The following ROBO1 variants were observed in gnomAD, a reference collection of about 807,000 sequenced individuals.
ROBO1 encodes the protein roundabout homolog 1.
A neutral mutation model predicts 195.9 loss-of-function variants in ROBO1; 149 were observed. The ratio of observed to expected loss-of-function variants is 0.76; its 90% CI spans 0.67 to 0.87. The LOEUF is 0.87. Among genes scored for constraint, ROBO1 ranks in the 40% least tolerant of loss-of-function variants. The probability of loss-of-function intolerance (pLI) is 0.00; values close to 1 mark genes in which losing one functional copy is unlikely to be tolerated. For synonymous variants in ROBO1, 816 were observed against 733.2 expected, an observed-to-expected ratio of 1.11 and a Z score of -1.82; for missense variants, 1,933 against 2,068.3, an observed-to-expected ratio of 0.93 and a Z score of 1.27.
At chr3:78,789,206 C>T (rs1476629832) in intron 4 of ROBO1, among the ~76,000 whole-genome samples, 6 of 151,908 alleles carry the variant, frequency 3.9e-5, no homozygotes, top group Non-Finnish European at 8.8e-5. Flanking sequence ...CTCGGGGGAA[C>T]AGAATGAATA....
At chr3:78,872,100 C>T (rs2035586589) in intron 4 of ROBO1, among the ~76,000 whole-genome samples, 1 of 152,174 alleles carries the variant, frequency 6.6e-6, no homozygotes, top group African/African-American at 2.4e-5. Flanking sequence ...AAGATGTGAG[C>T]ATAAGTTGCC....
intron 1 of ROBO1, among the ~76,000 whole-genome samples, chr3:79,662,334 A>G (rs1342016934): frequency 2.0e-5 from 3 of 152,122 alleles, no homozygotes; most frequent in Non-Finnish European, 4.4e-5. Context: ...CAAATGTTCT[A>G]CATTATAGAT....
intron 5 of ROBO1, among the ~76,000 whole-genome samples, chr3:78,732,160 G>A (rs1442090510): frequency 1.3e-5 from 2 of 151,964 alleles, no homozygotes; most frequent in Non-Finnish European, 2.9e-5. Context: ...TTCTATAGAG[G>A]GCTTTCTTTG....
At chr3:78,831,270 A>G (rs370487359) in intron 4 of ROBO1, among the ~76,000 whole-genome samples, 12 of 152,150 alleles carry the variant, frequency 7.9e-5, no homozygotes, top group African/African-American at 2.7e-4. Flanking sequence ...AAACTCTGAT[A>G]TAAACAATAA....
intron 2 of ROBO1, among the ~76,000 whole-genome samples, chr3:79,519,490 G>C (rs1243685460): frequency 2.0e-5 from 3 of 151,594 alleles, no homozygotes; most frequent in Admixed American, 6.6e-5. Context: ...TTAGCCGGGC[G>C]TGGTGGCGGG....
intron 3 of ROBO1, among the ~76,000 whole-genome samples, chr3:79,023,187 G>C (rs1400576679): frequency 6.6e-6 from 1 of 152,176 alleles, no homozygotes; most frequent in Non-Finnish European, 1.5e-5. Context: ...CCAAGGCTGT[G>C]CTGAACACTC....
chr3:78,626,105 A>G (rs1212092590), intron 26 of ROBO1, among the ~76,000 whole-genome samples: 1 of 152,070 alleles, frequency 6.6e-6, no homozygotes, highest in Non-Finnish European at 1.5e-5. Context: ...GAATAGAGAC[A>G]GGAATGGTGA....
At chr3:79,018,358 G>C (rs370389887) in intron 3 of ROBO1, 17 of 1,609,134 alleles carry the variant, frequency 1.1e-5, no homozygotes, top group Non-Finnish European at 1.4e-5. Context: ...AAAGTGGAGA[G>C]GGGGCGAACA....
intron 2 of ROBO1, among the ~76,000 whole-genome samples, chr3:79,313,135 C>A (rs963336490): frequency 4.7e-5 from 7 of 148,000 alleles, no homozygotes; most frequent in Non-Finnish European, 7.4e-5. Context: ...TGCAGTGAGC[C>A]GAGATCATGC....
intron 4 of ROBO1, among the ~76,000 whole-genome samples, chr3:78,849,863 C>CACACAA (rs2033936309): frequency 6.6e-6 from 1 of 151,732 alleles, no homozygotes; most frequent in African/African-American, 2.4e-5. Context: ...CACACACACA[C>CACACAA]ACACACACTC....
chr3:79,200,874 T>C (rs1203286806), intron 2 of ROBO1, among the ~76,000 whole-genome samples: 1 of 151,996 alleles, frequency 6.6e-6, no homozygotes, highest in Non-Finnish European at 1.5e-5. Context: ...AAAATGACTG[T>C]GCTTTGCATT....
chr3:78,685,657 T>A, intron 10 of ROBO1, 89 bp downstream of exon 10: 2 of 850,436 alleles, frequency 2.4e-6, no homozygotes, highest in South Asian at 2.6e-5. Context: ...TAAAAAGGTA[T>A]AAAGTTGGAA....
chr3:78,939,474 C>T (rs950914305), intron 3 of ROBO1, among the ~76,000 whole-genome samples: 5 of 149,068 alleles, frequency 3.4e-5, no homozygotes, highest in African/African-American at 1.2e-4. Flanking sequence ...AAAAATTAGC[C>T]TGGCGTGGTG....
intron 1 of ROBO1, among the ~76,000 whole-genome samples, chr3:79,609,717 C>T (rs1011137251): frequency 6.6e-6 from 1 of 151,848 alleles, no homozygotes; most frequent in Middle Eastern, 3.4e-3. Context: ...GAAGAACCAT[C>T]GAGACATTAT....
intron 2 of ROBO1, among the ~76,000 whole-genome samples, chr3:79,129,683 T>C (rs1033972803): frequency 6.6e-6 from 1 of 152,190 alleles, no homozygotes; most frequent in Non-Finnish European, 1.5e-5. Flanking sequence ...TATGTATGCA[T>C]ACATTGTAGA....
chr3:79,442,239 T>C (rs1382962880), intron 2 of ROBO1, among the ~76,000 whole-genome samples: 1 of 152,134 alleles, frequency 6.6e-6, no homozygotes, highest in Non-Finnish European at 1.5e-5. Flanking sequence ...GAATTGTGTT[T>C]TGGTGGAATA....
intron 10 of ROBO1, among the ~76,000 whole-genome samples, chr3:78,672,812 A>G (rs539149271): frequency 1.3e-5 from 2 of 152,134 alleles, no homozygotes; most frequent in Non-Finnish European, 2.9e-5. Context: ...CTTCTGTTGG[A>G]ATTATTAGAA....
chr3:79,047,353 A>G (rs1284181524), intron 3 of ROBO1, among the ~76,000 whole-genome samples: 2 of 152,010 alleles, frequency 1.3e-5, no homozygotes, highest in African/African-American at 4.8e-5. Context: ...GGAATGAGAT[A>G]TATTGAAGGA....
chr3:79,588,618 ATATAT>A (rs1943902682), intron 2 of ROBO1, among the ~76,000 whole-genome samples: 1 of 151,694 alleles, frequency 6.6e-6, no homozygotes, highest in Non-Finnish European at 1.5e-5. Context: ...TGCATTTTCT[ATATAT>A]TTAAGAAATG....
Sources: gnomAD v4.1 joint callset for allele counts (sites outside exome capture counted in the v4.1 genomes callset) on GRCh38, gnomAD v4.1.1 for gene constraint, MANE v1.5 for transcripts, NCBI Gene and HGNC (gene_info 2026-07-23, HGNC 2026-07-21) for gene names.